The following STRN variants were observed in gnomAD, a reference collection of about 807,000 sequenced individuals.
The protein encoded by STRN is protein phosphatase 2 regulatory subunit B'''alpha.
A neutral mutation model predicts 96.3 loss-of-function variants in STRN; 53 were observed. The ratio of observed to expected loss-of-function variants is 0.55; its 90% confidence interval spans 0.44 to 0.69. STRN has a LOEUF of 0.69. STRN is among the 30% of genes least tolerant of loss of function. The pLI is 0.00. For synonymous variants in STRN, 428 were observed against 355.9 expected (o/e 1.20, Z -2.28); for missense variants, 987 against 963.9 (o/e 1.02, Z -0.32).
At chr2:36,872,800 C>G (rs1044720998) in intron 10 of STRN, among the ~76,000 whole-genome samples, 2 of 152,040 alleles carry the variant, frequency 1.3e-5, no homozygotes, top group Admixed American at 6.6e-5. Context: ...CATGGCAAAT[C>G]AGGAAATTTG....
intron 6 of STRN, among the ~76,000 whole-genome samples, 162 bp from the exon 7 acceptor site, chr2:36,894,195 A>G (rs778873397): frequency 6.6e-6 from 1 of 152,246 alleles, no homozygotes; most frequent in Non-Finnish European, 1.5e-5. Context: ...TATGTACATT[A>G]TAAATTTTAA....
intron 3 of STRN, among the ~76,000 whole-genome samples, chr2:36,908,770 T>G (rs528381833): frequency 2.6e-5 from 4 of 152,082 alleles, no homozygotes; most frequent in African/African-American, 4.8e-5. Flanking sequence ...ACCCAGGAGT[T>G]TGAGACCAGC....
intron 5 of STRN, 92 bp from the exon 6 acceptor site, chr2:36,899,750 ATG>A: frequency 8.4e-7 from 1 of 1,187,368 alleles, no homozygotes; most frequent in Non-Finnish European, 1.2e-6. Flanking sequence ...TTCTATTTAT[ATG>A]GTAACTATAA....
At chr2:36,912,667 A>G (rs976598567) in intron 3 of STRN, among the ~76,000 whole-genome samples, 3 of 152,110 alleles carry the variant, frequency 2.0e-5, no homozygotes, top group Admixed American at 6.6e-5. Flanking sequence ...TTCAACTCCA[A>G]TGGCCTTGAG....
intron 1 of STRN, among the ~76,000 whole-genome samples, chr2:36,960,950 G>A (rs1665013967): frequency 6.6e-6 from 1 of 151,868 alleles, no homozygotes; most frequent in Non-Finnish European, 1.5e-5. Context: ...AGGCTAGAGT[G>A]CAGGGGCATG....
At chr2:36,877,491 A>T (rs1458263215) in intron 10 of STRN, among the ~76,000 whole-genome samples, 1 of 152,224 alleles carries the variant, frequency 6.6e-6, no homozygotes, top group Admixed American at 6.5e-5. Context: ...TACACTTGTA[A>T]AGAAGTTTTA....
In STRN at chr2:36,838,229, T is replaced by G. The variant is rs1035705753; in HGVS notation, c.*11227A>C. Among the ~76,000 whole-genome samples, 17 of 152,180 alleles carry G rather than the reference T, an allele frequency of 1.1e-4. No homozygotes were observed. Among genetic ancestry groups the G allele is most frequent in the African/African-American group, 4.1e-4 (17 of 41,434 alleles). ...CGGAGCAACCTCTAAAGGATCAGATTTGACAGTCAGCTAGGAGACAGGGAC... is the reference window on the plus strand; with the variant it reads ...CGGAGCAACCTCTAAAGGATCAGATGTGACAGTCAGCTAGGAGACAGGGAC... On this transcript the variant is annotated 3_prime_UTR_variant, in exon 18 of 18. Transcript: ENST00000263918.
intron 10 of STRN, among the ~76,000 whole-genome samples, chr2:36,874,231 T>C (rs1668842482): frequency 6.8e-6 from 1 of 147,344 alleles, no homozygotes; most frequent in Non-Finnish European, 1.5e-5. Flanking sequence ...GCCACTGCAC[T>C]ACAGCCTGGG....
At chr2:36,907,661 T>C (rs1031611529) in intron 3 of STRN, among the ~76,000 whole-genome samples, 1 of 152,216 alleles carries the variant, frequency 6.6e-6, no homozygotes, top group African/African-American at 2.4e-5. Context: ...ATTTTAAAGA[T>C]AAGAAAGCTT....
chr2:36,939,055 G>A (rs1436032302), intron 1 of STRN, among the ~76,000 whole-genome samples: 3 of 151,666 alleles, frequency 2.0e-5, no homozygotes, highest in African/African-American at 7.3e-5. Context: ...GTGCGAGCTC[G>A]GCTCACTGCA....
chr2:36,903,087 T>C (rs549554209), intron 4 of STRN, among the ~76,000 whole-genome samples: 3 of 152,364 alleles, frequency 2.0e-5, no homozygotes, highest in South Asian at 2.1e-4. Context: ...TATTTTATAA[T>C]AGTTATTCCG....
chr2:36,915,124 G>C (rs1476119948), intron 3 of STRN, among the ~76,000 whole-genome samples: 1 of 150,010 alleles, frequency 6.7e-6, no homozygotes, highest in African/African-American at 2.4e-5. Context: ...GTGAACCCGG[G>C]AGGTGGAGCT....
At chr2:36,857,819 T>C (rs1668384826) in intron 14 of STRN, 37 bp downstream of exon 14, 3 of 1,557,270 alleles carry the variant, frequency 1.9e-6, no homozygotes, top group African/African-American at 2.7e-5. Flanking sequence ...AACTGTTTTA[T>C]AGAGGATTCA....
rs1029748289 is a variant in STRN, at chr2:36,840,831, C to T, written c.*8625G>A. The T allele has an allele frequency of 3.9e-5, 6 of 152,100 alleles. No individual in the cohort carries two copies. Among genetic ancestry groups the T allele is most frequent in the East Asian group, 1.9e-4 (1 of 5,186 alleles). 9.4% of individuals were successfully genotyped at this position (152,100 alleles called of 1,614,324 possible). On this transcript the variant is annotated 3_prime_UTR_variant, in exon 18 of 18. Transcript: ENST00000263918. Reference sequence around the variant, plus strand: ...GAATCAAGATATTCAGAAAAAAAATCTCATTACCTGCTCCTCATGCCTCAA... The same window carrying T: ...GAATCAAGATATTCAGAAAAAAAATTTCATTACCTGCTCCTCATGCCTCAA...
intron 1 of STRN, among the ~76,000 whole-genome samples, chr2:36,963,198 G>A (rs966443052): frequency 2.4e-4 from 37 of 152,294 alleles, no homozygotes; most frequent in African/African-American, 8.7e-4. Context: ...AAGGAGGGAG[G>A]AAGCAGTAAA....
In STRN at chr2:36,923,140, G is replaced by C. The variant is rs1220907879; in HGVS notation, c.338+1965C>G. 2.5e-5 allele frequency among the ~76,000 whole-genome samples: 3 copies of C among 121,484 alleles called. No homozygotes were observed. In the South Asian group the frequency reaches 7.8e-4, roughly 32 times the overall value. The allele number at this position is 121,484 out of a possible 152,430, so 79.7% of individuals were successfully genotyped here. On this transcript the variant is annotated intron_variant, in intron 2 of 17. Transcript: ENST00000263918. ...CTGGCAACAGAGCAAAACTCCGTCT[G>C]AAAAAAAAAAAAAAATCTCAAATAC...
chr2:36,952,871 G>C (rs191760386), intron 1 of STRN, among the ~76,000 whole-genome samples: 1 of 152,130 alleles, frequency 6.6e-6, no homozygotes, highest in Non-Finnish European at 1.5e-5. Context: ...ACATTCCTCA[G>C]GGAGCAGGTT....
chr2:36,914,289 T>C (rs1237752739), intron 3 of STRN, among the ~76,000 whole-genome samples: 2 of 152,192 alleles, frequency 1.3e-5, no homozygotes, highest in Admixed American at 6.5e-5. Context: ...CAGCCAGCCA[T>C]GTTTACTTAC....
intron 1 of STRN, among the ~76,000 whole-genome samples, chr2:36,930,275 T>C (rs1670537262): frequency 6.6e-6 from 1 of 151,854 alleles, no homozygotes; most frequent in South Asian, 2.1e-4. Context: ...CTACTAAAAA[T>C]ACAAAAATTA....
Sources: gnomAD v4.1 joint callset for allele counts (sites outside exome capture counted in the v4.1 genomes callset) on GRCh38, gnomAD v4.1.1 for gene constraint, MANE v1.5 for transcripts, NCBI Gene and HGNC (gene_info 2026-07-23, HGNC 2026-07-21) for gene names.